The following CCDC33 variants were observed in gnomAD, a reference collection of about 807,000 sequenced individuals.
CCDC33 encodes the protein coiled-coil domain-containing protein 33.
In CCDC33, 94 loss-of-function variants were observed where a neutral mutation model predicts 91.9. The ratio of observed to expected loss-of-function variants is 1.02; its 90% CI spans 0.87 to 1.21. The LOEUF is 1.21. Among genes scored for constraint, CCDC33 ranks in the 50% most tolerant of loss-of-function variants. The pLI is 0.00. For missense variants in CCDC33, 940 were observed against 935.5 expected (o/e 1.00, Z -0.06); for synonymous variants, 396 against 374.5 (o/e 1.06, Z -0.66).
intron 3 of CCDC33, among the ~76,000 whole-genome samples, chr15:74,266,191 C>CT (rs1419134779): frequency 6.6e-6 from 1 of 152,184 alleles, no homozygotes; most frequent in Non-Finnish European, 1.5e-5. Flanking sequence ...GAGCAGATCA[C>CT]TTTTTCTTAC....
At chr15:74,303,394 A>C (rs1372932749) in intron 11 of CCDC33, 2 of 138,970 alleles carry the variant, frequency 1.4e-5, no homozygotes, top group Non-Finnish European at 3.1e-5. Flanking sequence ...AGGCTGAGGA[A>C]CTACAAGAGA....
At position 74,236,569 on chromosome 15, in the gene CCDC33, C is replaced by T. The variant is rs2075164343; in HGVS notation, c.-151C>T. 1 of 551,644 alleles carries T rather than the reference C, an allele frequency of 1.8e-6. No homozygotes were observed. The highest frequency in any genetic ancestry group is 3.1e-5 in the East Asian group (1 of 31,908). 34.2% of individuals were successfully genotyped at this position (551,644 alleles called of 1,614,324 possible). A position where few individuals can be genotyped will look rare whatever the true frequency, so the allele number is the denominator to read the frequency against. ...GGCTGGTGTGTGGCACCCCTGAGACCACATTGACCTCCATACTGTCTACTA... is the reference window on the plus strand; with the variant it reads ...GGCTGGTGTGTGGCACCCCTGAGACTACATTGACCTCCATACTGTCTACTA... On this transcript the variant is annotated 5_prime_UTR_variant, in exon 1 of 19. Coordinates refer to ENST00000398814, the MANE Select transcript of CCDC33 (RefSeq NM_025055.5).
intron 2 of CCDC33, among the ~76,000 whole-genome samples, chr15:74,258,666 GTA>G (rs1483283964): frequency 3.9e-5 from 6 of 152,194 alleles, no homozygotes; most frequent in Non-Finnish European, 7.3e-5. Flanking sequence ...GCATGTGTGT[GTA>G]TGTATGTGTG....
chr15:74,241,648 A>C (rs2075352182), intron 1 of CCDC33, among the ~76,000 whole-genome samples: 1 of 152,114 alleles, frequency 6.6e-6, no homozygotes, highest in Non-Finnish European at 1.5e-5. Context: ...GTAAAGGCTC[A>C]CTCTGGCGAT....
At chr15:74,310,130 G>A (rs565577726) in intron 11 of CCDC33, among the ~76,000 whole-genome samples, 12 of 152,160 alleles carry the variant, frequency 7.9e-5, no homozygotes, top group Admixed American at 2.6e-4. Context: ...ACTCCAGCCC[G>A]GATGACAGAG....
chr15:74,235,223 A>G (rs1199283339), upstream of CCDC33, among the ~76,000 whole-genome samples: 1 of 152,170 alleles, frequency 6.6e-6, no homozygotes, highest in African/African-American at 2.4e-5. Context: ...CCTGACTACC[A>G]TCCCCCACCA....
intron 1 of CCDC33, chr15:74,207,667 C>T: frequency 2.0e-6 from 3 of 1,530,132 alleles, no homozygotes; most frequent in Non-Finnish European, 2.6e-6. Context: ...AGAGGCGTTC[C>T]AGGAGTGGGG....
intron 7 of CCDC33, among the ~76,000 whole-genome samples, chr15:74,278,418 GC>G (rs1473477140): frequency 6.6e-6 from 1 of 152,274 alleles, no homozygotes; most frequent in Admixed American, 6.5e-5. Context: ...GTTGCTGACA[GC>G]CCCTGGCTGG....
At position 74,253,560 on chromosome 15, in the gene CCDC33, A is replaced by G. The variant is rs551826944; in HGVS notation, c.186-8880A>G. ...CCCCTCCTTCTCTGAGGCTCCCCCTATCCATCCAGAAACCTGTGAGATACT... is the reference window on the plus strand; with the variant it reads ...CCCCTCCTTCTCTGAGGCTCCCCCTGTCCATCCAGAAACCTGTGAGATACT... On this transcript the variant is annotated intron_variant, in intron 2 of 18. Transcript: ENST00000398814. Among the ~76,000 whole-genome samples the G allele has an allele frequency of 5.9e-5, 9 of 151,938 alleles. No individual in the cohort carries two copies. The East Asian group carries it at 9.7e-4, about 16-fold the overall frequency.
intron 1 of CCDC33, among the ~76,000 whole-genome samples, chr15:74,238,036 G>C (rs2075230384): frequency 6.6e-6 from 1 of 152,104 alleles, no homozygotes; most frequent in African/African-American, 2.4e-5. Flanking sequence ...GCTGAGGCAG[G>C]AGAATCGCTT....
upstream of CCDC33, chr15:74,217,079 A>G: frequency 1.0e-5 from 3 of 287,334 alleles, no homozygotes; most frequent in Non-Finnish European, 1.4e-5. Flanking sequence ...GCTAAAAGGA[A>G]GGGATCGATG....
chr15:74,330,798 G>T (rs1163002224), intron 13 of CCDC33, 47 bp downstream of exon 13: 2 of 1,555,956 alleles, frequency 1.3e-6, no homozygotes, highest in South Asian at 1.1e-5. Context: ...TATGGTGGGG[G>T]AGCATCGGGG....
chr15:74,281,758 T>G lies in CCDC33; in HGVS notation c.1024-20T>G. 1 of 1,609,924 alleles carries G rather than the reference T, an allele frequency of 6.2e-7. No individual in the cohort carries two copies. Among genetic ancestry groups the G allele is most frequent in the Non-Finnish European group, 8.5e-7 (1 of 1,176,598 alleles). On this transcript the variant is annotated intron_variant, in intron 9 of 18. Transcript: ENST00000398814. ...GCTGCCCTGGCCAGCATGGTCTGAG[T>G]GCTCCCTTTTCCTCCCCAGGACACC...
At chr15:74,263,987 C>T (rs1275251657) in intron 3 of CCDC33, among the ~76,000 whole-genome samples, 1 of 151,800 alleles carries the variant, frequency 6.6e-6, no homozygotes, top group Non-Finnish European at 1.5e-5. Context: ...GCCCTGGGCT[C>T]TACATACTTG....
chr15:74,240,355 T>C (rs912313832), intron 1 of CCDC33, among the ~76,000 whole-genome samples: 4 of 152,296 alleles, frequency 2.6e-5, no homozygotes, highest in Middle Eastern at 3.4e-3. Context: ...ACAATGGTCT[T>C]ACTCCTGGGC....
chr15:74,296,720 TGGTTGAGCAGATGCTCA>T (rs1273221749), intron 11 of CCDC33, among the ~76,000 whole-genome samples: 6 of 152,222 alleles, frequency 3.9e-5, no homozygotes, highest in Non-Finnish European at 8.8e-5. Flanking sequence ...TTCCTGTTGC[TGGTTGAGCAGATGCTCA>T]GGAAGGGCTG....
intron 11 of CCDC33, among the ~76,000 whole-genome samples, chr15:74,329,484 G>A (rs1162211097): frequency 2.0e-5 from 3 of 152,208 alleles, no homozygotes; most frequent in Non-Finnish European, 4.4e-5. Flanking sequence ...AGAGGACTGA[G>A]GGAGGGCACA....
At chr15:74,234,569 G>A (rs2075086277), upstream of CCDC33, among the ~76,000 whole-genome samples, 3 of 152,212 alleles carry the variant, frequency 2.0e-5, no homozygotes, top group South Asian at 6.2e-4. Flanking sequence ...CAACCAGCAA[G>A]TCAGGAGGTA....
intron 2 of CCDC33, among the ~76,000 whole-genome samples, chr15:74,230,586 G>A (rs999211397): frequency 6.6e-6 from 1 of 152,164 alleles, no homozygotes; most frequent in African/African-American, 2.4e-5. Flanking sequence ...ATCCATAAAC[G>A]TGCCTGCTAA....
Sources: gnomAD v4.1 joint callset for allele counts (sites outside exome capture counted in the v4.1 genomes callset) on GRCh38, gnomAD v4.1.1 for gene constraint, MANE v1.5 for transcripts, NCBI Gene and HGNC (gene_info 2026-07-23, HGNC 2026-07-21) for gene names.